NFIC: variants seen among roughly 807,000 people sequenced by gnomAD.
The protein encoded by NFIC is nuclear factor I C, also known as nuclear factor 1 C-type.
In NFIC, 12 loss-of-function variants were observed where a neutral mutation model predicts 54.4. The ratio of observed to expected loss-of-function variants is 0.22; its 90% CI spans 0.14 to 0.36. The LOEUF (loss-of-function observed/expected upper bound fraction) is 0.36. NFIC is among the 10% of genes least tolerant of loss of function. The pLI, the probability that NFIC is intolerant of heterozygous loss-of-function variation, is 1.00. For synonymous variants in NFIC, 322 were observed against 319.2 expected, an observed-to-expected ratio of 1.01 and a Z score of -0.09; for missense variants, 575 against 718.2, an observed-to-expected ratio of 0.80 and a Z score of 2.28.
chr19:3,436,675 A>G (rs370767639), intron 6 of NFIC, among the ~76,000 whole-genome samples: 2 of 150,044 alleles, frequency 1.3e-5, no homozygotes, highest in Non-Finnish European at 3.0e-5. Flanking sequence ...GTGTTTCACC[A>G]TGTTGGCCAG....
At chr19:3,374,639 C>T (rs1568402390) in intron 1 of NFIC, among the ~76,000 whole-genome samples, 3 of 152,060 alleles carry the variant, frequency 2.0e-5, no homozygotes, top group African/African-American at 4.8e-5. Flanking sequence ...GGAAAGGCTG[C>T]TTGAAGGAGG....
At chr19:3,424,275 GC>G (rs1297654818) in intron 2 of NFIC, among the ~76,000 whole-genome samples, 1 of 152,000 alleles carries the variant, frequency 6.6e-6, no homozygotes, top group Non-Finnish European at 1.5e-5. Flanking sequence ...TGATTTTCCT[GC>G]CTTGGCCTCC....
intron 2 of NFIC, among the ~76,000 whole-genome samples, chr19:3,394,428 T>G (rs1035513980): frequency 2.0e-5 from 3 of 151,638 alleles, no homozygotes; most frequent in Non-Finnish European, 2.9e-5. Flanking sequence ...TCCAGCGAGC[T>G]GTGATTGTGT....
intron 2 of NFIC, among the ~76,000 whole-genome samples, chr19:3,386,618 C>T (rs1171630722): frequency 2.0e-5 from 3 of 152,120 alleles, no homozygotes; most frequent in African/African-American, 4.8e-5. Flanking sequence ...CCACCGCGCC[C>T]GGCCTGTTGT....
At chr19:3,455,653 A>G (rs1234878105) in intron 9 of NFIC, among the ~76,000 whole-genome samples, 2 of 151,014 alleles carry the variant, frequency 1.3e-5, no homozygotes, top group African/African-American at 4.9e-5. Context: ...CCTGGTTTAC[A>G]GTAGACACTT....
At chr19:3,380,157 C>T (rs1334038779) in intron 1 of NFIC, among the ~76,000 whole-genome samples, 7 of 149,266 alleles carry the variant, frequency 4.7e-5, no homozygotes, top group African/African-American at 7.5e-5. Flanking sequence ...CCCGACACCA[C>T]GCCCGGCTAA....
rs750691349 is a variant in NFIC at position 3,453,962 on chromosome 19, G to T, written c.1423+46G>T. The T allele has an allele frequency of 2.4e-5, 36 of 1,470,806 alleles. 1 individual carries two copies. In the South Asian group the frequency reaches 4.4e-4, roughly 18 times the overall value. The allele number at this position is 1,470,806 out of a possible 1,614,324, so 91.1% of individuals were successfully genotyped here. Reference sequence around the variant, plus strand: ...GCCCTGGTGGGGCGGATGTCCGCAGGGGGGCCTGTCCCCTCCCCAGCCCCA... The same window carrying T: ...GCCCTGGTGGGGCGGATGTCCGCAGTGGGGCCTGTCCCCTCCCCAGCCCCA... On this transcript the variant is annotated intron_variant, in intron 9 of 10. Coordinates refer to ENST00000443272, the MANE Select transcript of NFIC (RefSeq NM_001245002.2). This position sits in a 1 kb window ranked among gnomAD's most constrained non-coding sequence, Gnocchi z 6.7.
chr19:3,379,861 T>C (rs1407776725), intron 1 of NFIC, among the ~76,000 whole-genome samples: 1 of 151,584 alleles, frequency 6.6e-6, no homozygotes, highest in Non-Finnish European at 1.5e-5. Flanking sequence ...AGTTTTGATT[T>C]TGTAGAAACG....
chr19:3,368,895 C>G (rs2080945246), intron 1 of NFIC, among the ~76,000 whole-genome samples: 1 of 145,208 alleles, frequency 6.9e-6, no homozygotes, highest in Non-Finnish European at 1.5e-5. Flanking sequence ...CTCTCTTTCT[C>G]TCTGTCTTGC....
At chr19:3,413,699 G>A (rs1238064118) in intron 2 of NFIC, among the ~76,000 whole-genome samples, 2 of 152,076 alleles carry the variant, frequency 1.3e-5, no homozygotes, top group African/African-American at 2.4e-5. Context: ...GAGTACAATG[G>A]CGCGATCTTG....
At chr19:3,404,505 C>T (rs1293081167) in intron 2 of NFIC, among the ~76,000 whole-genome samples, 2 of 152,176 alleles carry the variant, frequency 1.3e-5, no homozygotes, top group East Asian at 3.9e-4. Context: ...GTGTTTAACC[C>T]CTCAGAGGCT....
chr19:3,445,607 G>A (rs552953437), intron 6 of NFIC, among the ~76,000 whole-genome samples: 1 of 152,328 alleles, frequency 6.6e-6, no homozygotes, highest in East Asian at 1.9e-4. Context: ...CATGGTGTGT[G>A]CAGGGCCATG....
upstream of NFIC, among the ~76,000 whole-genome samples, chr19:3,366,090 G>A (rs914142640): frequency 2.6e-5 from 4 of 152,024 alleles, no homozygotes; most frequent in Admixed American, 2.6e-4. Flanking sequence ...GGGTGATGGG[G>A]GGGTGGGGAG....
At chr19:3,394,135 C>T (rs2081419831) in intron 2 of NFIC, among the ~76,000 whole-genome samples, 1 of 151,736 alleles carries the variant, frequency 6.6e-6, no homozygotes, top group South Asian at 2.1e-4. Flanking sequence ...TTTATTTAAC[C>T]CAGGGCATCT....
At chr19:3,427,090 G>C (rs1010307039) in intron 3 of NFIC, among the ~76,000 whole-genome samples, 1 of 151,738 alleles carries the variant, frequency 6.6e-6, no homozygotes, top group Non-Finnish European at 1.5e-5. Context: ...CCACACCCGG[G>C]TAATTTTTTG....
chr19:3,461,092 T>C (rs2082631410), intron 10 of NFIC, among the ~76,000 whole-genome samples: 1 of 151,740 alleles, frequency 6.6e-6, no homozygotes, highest in Non-Finnish European at 1.5e-5. Flanking sequence ...GCCACTGCAC[T>C]CCAGCCTGGT....
rs149869150 is a variant in NFIC, at chr19:3,466,472, C to T, written c.*3703C>T. ...CCCCAACCCCGGGATTTTGGGTGGTCTCCACAGCCACCATCATACACTCAT... is the reference window on the plus strand; with the variant it reads ...CCCCAACCCCGGGATTTTGGGTGGTTTCCACAGCCACCATCATACACTCAT... On this transcript the variant is annotated 3_prime_UTR_variant, in exon 11 of 11. Coordinates refer to ENST00000443272, the MANE Select transcript of NFIC (RefSeq NM_001245002.2). This position sits in a 1 kb window ranked among gnomAD's most constrained non-coding sequence, Gnocchi z 4.8. The T allele has an allele frequency of 2.0e-5, 3 of 152,254 alleles. No individual in the cohort carries two copies. Among genetic ancestry groups the T allele is most frequent in the Non-Finnish European group, 4.4e-5 (3 of 68,064 alleles). The allele number at this position is 152,254 out of a possible 1,614,324, so 9.4% of individuals were successfully genotyped here.
intron 2 of NFIC, among the ~76,000 whole-genome samples, chr19:3,401,703 A>C (rs2081558242): frequency 6.7e-6 from 1 of 148,864 alleles, no homozygotes; most frequent in Non-Finnish European, 1.5e-5. Context: ...TACGCCACCC[A>C]CATGGCAGGG....
intron 6 of NFIC, among the ~76,000 whole-genome samples, chr19:3,443,041 G>A (rs1360052093): frequency 1.3e-5 from 2 of 152,218 alleles, no homozygotes; most frequent in African/African-American, 4.8e-5. Flanking sequence ...CAGGGATGCT[G>A]CTTAGCACCC....
Sources: gnomAD v4.1 joint callset for allele counts (sites outside exome capture counted in the v4.1 genomes callset) on GRCh38, gnomAD v4.1.1 for gene constraint, Gnocchi (gnomAD v3.1) non-coding constraint, MANE v1.5 for transcripts, NCBI Gene and HGNC (gene_info 2026-07-23, HGNC 2026-07-21) for gene names.